TMED5: variants seen among roughly 807,000 people sequenced by gnomAD.
TMED5 encodes the protein transmembrane p24 trafficking protein 5.
A neutral mutation model predicts 23.0 loss-of-function variants in TMED5; 27 were observed. The observed-to-expected ratio is 1.17, with a 90% CI of 0.86 to 1.62. TMED5 has a LOEUF of 1.62. TMED5 is among the 40% of genes most tolerant of loss of function. The pLI is 0.00. For missense variants in TMED5, 248 were observed against 273.7 expected, an observed-to-expected ratio of 0.91 and a Z score of 0.66; for synonymous variants, 97 against 100.8, an observed-to-expected ratio of 0.96 and a Z score of 0.23.
chr1:93,156,824 AAAAAG>A (rs980654089), intron 2 of TMED5, among the ~76,000 whole-genome samples: 11 of 151,204 alleles, frequency 7.3e-5, no homozygotes, highest in Non-Finnish European at 1.3e-4. Flanking sequence ...AAAAAAAAAA[AAAAAG>A]AAACCAACAA....
rs575444119 is a variant in TMED5, at chr1:93,172,821, T to TA, written c.189+7232dup. The stretch of plus-strand genomic sequence containing the variant: ...TGCACTCCCATATTCATTGAAGCAT[T>TA]ATTCACAATAGTCAAGACATAGAAA... On this transcript the variant is annotated intron_variant, in intron 1 of 3. Transcript: ENST00000370282. Among the ~76,000 whole-genome samples, 471 of 152,294 alleles carry TA rather than the reference T, an allele frequency of 3.1e-3. 7 individuals are homozygous for TA. Among genetic ancestry groups the TA allele is most frequent in the African/African-American group, 0.011 (461 of 41,570 alleles).
intron 1 of TMED5, among the ~76,000 whole-genome samples, chr1:93,172,128 G>C (rs1443607362): frequency 6.6e-6 from 1 of 152,086 alleles, no homozygotes; most frequent in Non-Finnish European, 1.5e-5. Flanking sequence ...CGAGAAACTA[G>C]AAGCTTTCTC....
chr1:93,154,583 G>C lies in TMED5; in HGVS notation c.*87C>G, dbSNP rs994701322. 3 of 831,396 alleles carry C rather than the reference G, an allele frequency of 3.6e-6. No individual in the cohort carries two copies. The highest frequency in any genetic ancestry group is 5.6e-6 in the Non-Finnish European group (3 of 534,216). 51.5% of individuals were successfully genotyped at this position (831,396 alleles called of 1,614,324 possible). A position where few individuals can be genotyped will look rare whatever the true frequency, so the allele number is the denominator to read the frequency against. On this transcript the variant is annotated 3_prime_UTR_variant, in exon 4 of 4. Transcript: ENST00000370282. ...CTACTTTTATATCTCAAAATATTTT[G>C]GAGAAGACCATTAATGGTCTTGACT... is the stretch of plus-strand genomic sequence containing the variant.
In TMED5 at chr1:93,151,346, T is replaced by G. The variant is rs1647868488; in HGVS notation, c.*3324A>C. 1 of 152,236 alleles carries G rather than the reference T, an allele frequency of 6.6e-6. No homozygotes were observed. The highest frequency in any genetic ancestry group is 1.5e-5 in the Non-Finnish European group (1 of 68,032). 9.4% of individuals were successfully genotyped at this position (152,236 alleles called of 1,614,324 possible). A position where few individuals can be genotyped will look rare whatever the true frequency, so the allele number is the denominator to read the frequency against. On this transcript the variant is annotated 3_prime_UTR_variant, in exon 4 of 4. Transcript: ENST00000370282. ...AACCTACCTACACCAAGCATTGTAC[T>G]TTTCCTATATGCTAACAAGTTTTAA...
At chr1:93,159,735 CTA>C (rs1391360101) in intron 2 of TMED5, among the ~76,000 whole-genome samples, 1 of 151,380 alleles carries the variant, frequency 6.6e-6, no homozygotes, top group Admixed American at 6.6e-5. Flanking sequence ...AGAAAGAAAA[CTA>C]TGGACAAAAA....
At chr1:93,178,685 T>C (rs1291978527) in intron 1 of TMED5, among the ~76,000 whole-genome samples, 2 of 152,130 alleles carry the variant, frequency 1.3e-5, no homozygotes, top group Non-Finnish European at 2.9e-5. Flanking sequence ...AAACACTGAG[T>C]TTTAGCCTCA....
chr1:93,154,402 CAA>C lies in TMED5; in HGVS notation c.*266_*267del. On this transcript the variant is annotated 3_prime_UTR_variant, in exon 4 of 4. Coordinates refer to ENST00000370282, the MANE Select transcript of TMED5 (RefSeq NM_016040.5). ...CACCTAAGACATTTGCAAAATTTTT[CAA>C]AGTTAGGAAAATGCAGTTATTAATA... The C allele has an allele frequency of 2.5e-6, 1 of 403,866 alleles. No homozygotes were observed. Among genetic ancestry groups the C allele is most frequent in the South Asian group, 3.9e-5 (1 of 25,610 alleles). 25.0% of individuals were successfully genotyped at this position (403,866 alleles called of 1,614,324 possible).
chr1:93,163,833 A>C (rs1174321608), intron 1 of TMED5, among the ~76,000 whole-genome samples: 1 of 151,620 alleles, frequency 6.6e-6, no homozygotes, highest in African/African-American at 2.4e-5. Flanking sequence ...AAATACAAAA[A>C]TTAGCTGGAC....
intron 1 of TMED5, among the ~76,000 whole-genome samples, chr1:93,164,611 C>A (rs546691787): frequency 2.4e-4 from 36 of 152,152 alleles, no homozygotes; most frequent in African/African-American, 8.7e-4. Flanking sequence ...GTTTCACTAC[C>A]CACGTGTTCA....
chr1:93,156,382 C>G lies in TMED5; in HGVS notation c.389G>C (p.Gly130Ala). 6 of 1,613,726 alleles carry G rather than the reference C, an allele frequency of 3.7e-6. No individual in the cohort carries two copies. Among genetic ancestry groups the G allele is most frequent in the Non-Finnish European group, 5.1e-6 (6 of 1,179,768 alleles). The change falls in exon 3 of 4, where the codon GGA becomes GCA. Residue 130 changes from glycine (G) to alanine (A), a missense_variant. Transcript: ENST00000370282. Reference sequence around the variant, plus strand: ...ATCTTCTTGTTCTTGTGCCTGTTCTCCCATATTATCCAGGATTAATTCAAA... The same window carrying G: ...ATCTTCTTGTTCTTGTGCCTGTTCTGCCATATTATCCAGGATTAATTCAAA... Reference protein sequence around the residue: ...IFFELILDNMGEQAQEQEDWK... With the variant: ...IFFELILDNMAEQAQEQEDWK...
At chr1:93,155,043 G>A (rs1648014396) in intron 3 of TMED5, among the ~76,000 whole-genome samples, 155 bp from the exon 4 acceptor site, 1 of 152,098 alleles carries the variant, frequency 6.6e-6, no homozygotes, top group South Asian at 2.1e-4. Flanking sequence ...GTTCAAGACT[G>A]GGCTGGACAA....
intron 1 of TMED5, among the ~76,000 whole-genome samples, chr1:93,163,407 C>T (rs935089434): frequency 4.0e-5 from 6 of 149,550 alleles, no homozygotes; most frequent in Non-Finnish European, 5.9e-5. Context: ...TGTAGTGGCG[C>T]GATCTCAGCT....
chr1:93,178,960 C>T (rs1254209620), intron 1 of TMED5, among the ~76,000 whole-genome samples: 1 of 152,144 alleles, frequency 6.6e-6, no homozygotes, highest in Non-Finnish European at 1.5e-5. Context: ...TACCTGAAAA[C>T]ATCGGAATTT....
At chr1:93,177,921 T>G (rs1405203632) in intron 1 of TMED5, among the ~76,000 whole-genome samples, 1 of 152,216 alleles carries the variant, frequency 6.6e-6, no homozygotes, top group Non-Finnish European at 1.5e-5. Context: ...GAGCTGGTGC[T>G]CTTAACTATA....
rs559245812 is a variant in TMED5, at chr1:93,153,778, A to G, written c.*892T>C. ...ACTGCTGGTAATAATGAATTATCCA[A>G]GTCAGCAATCATGTTAAAATTAACA... On this transcript the variant is annotated 3_prime_UTR_variant, in exon 4 of 4. Transcript: ENST00000370282. The G allele has an allele frequency of 6.6e-6, 1 of 152,296 alleles. No individual in the cohort carries two copies. The highest frequency in any genetic ancestry group is 1.5e-5 in the Non-Finnish European group (1 of 67,980). 9.4% of individuals were successfully genotyped at this position (152,296 alleles called of 1,614,324 possible).
chr1:93,154,807 G>A lies in TMED5; in HGVS notation c.553C>T (p.Arg185Ter), dbSNP rs987686117. 1.2e-5 allele frequency: 19 copies of A among 1,613,996 alleles called. No homozygotes were observed. Among genetic ancestry groups the A allele is most frequent in the Non-Finnish European group, 1.5e-5 (18 of 1,179,930 alleles). The change falls in exon 4 of 4, where the codon CGA (arginine) becomes TGA (stop). Residue 185 changes from arginine (R) to a stop codon, truncating the protein, a stop_gained. Transcript: ENST00000370282. LOFTEE classifies it high-confidence loss of function. ...TCAAAGTTGCTTTCTTGTATGTTTC[G>A]ATCACGAGCTTCAAATGCTCTAAGC... ...TLLRAFEARD[R>*]NIQESNFDRV...
intron 1 of TMED5, among the ~76,000 whole-genome samples, chr1:93,179,487 T>C (rs781597616): frequency 1.3e-5 from 2 of 152,032 alleles, no homozygotes; most frequent in African/African-American, 4.8e-5. Context: ...AATGGATATA[T>C]AACTTAAACG....
chr1:93,167,279 G>GT (rs1324125213), intron 1 of TMED5, among the ~76,000 whole-genome samples: 1 of 152,056 alleles, frequency 6.6e-6, no homozygotes, highest in Non-Finnish European at 1.5e-5. Flanking sequence ...TTTTTAAATT[G>GT]TTTTTTCTAT....
intron 1 of TMED5, among the ~76,000 whole-genome samples, chr1:93,175,201 A>ATATATATAT (rs71094238): frequency 2.6e-4 from 37 of 141,292 alleles, no homozygotes; most frequent in South Asian, 6.5e-4. Context: ...ATATATATAT[A>ATATATATAT]AATGGACCTC....
Sources: allele counts gnomAD v4.1 joint callset (sites outside exome capture counted in the v4.1 genomes callset), GRCh38; gene constraint gnomAD v4.1.1; transcripts MANE v1.5; gene names NCBI Gene and HGNC (gene_info 2026-07-23, HGNC 2026-07-21).